The following OTUD7A variants were observed in gnomAD, a reference collection of about 807,000 sequenced individuals.
OTUD7A encodes OTU deubiquitinase 7A, also known as OTU domain-containing protein 7A.
A neutral mutation model predicts 65.7 loss-of-function variants in OTUD7A; 12 were observed. That is an observed-to-expected ratio of 0.18 (90% CI 0.12 to 0.30). The LOEUF is 0.30. Among genes scored for constraint, OTUD7A ranks in the 10% least tolerant of loss-of-function variants. The pLI, the probability that OTUD7A is intolerant of heterozygous loss-of-function variation, is 1.00. For missense variants in OTUD7A, 1,148 were observed against 1,304.8 expected (o/e 0.88, Z 1.85); for synonymous variants, 641 against 586.3 (o/e 1.09, Z -1.35).
intron 1 of OTUD7A, among the ~76,000 whole-genome samples, chr15:31,693,980 C>A (rs1443144821): frequency 1.3e-5 from 2 of 152,186 alleles, no homozygotes; most frequent in African/African-American, 4.8e-5. Context: ...TCTAAGCTGA[C>A]ACTATTGTAA....
At chr15:31,774,295 G>A (rs1895314048) in intron 1 of OTUD7A, among the ~76,000 whole-genome samples, 1 of 152,250 alleles carries the variant, frequency 6.6e-6, no homozygotes. Context: ...TCAGCCCAGG[G>A]ACAGCTCCAT....
At position 31,615,100 on chromosome 15, in the gene OTUD7A, C is replaced by T. The variant is rs189651524; in HGVS notation, c.151+39996G>A. ...ATGAAAAAGGAAATGACAGGGCAAA[C>T]AAAAGCAAATAATGAGATGTTAGAT... On this transcript the variant is annotated intron_variant, in intron 3 of 12. Transcript: ENST00000307050. Among the ~76,000 whole-genome samples the T allele has an allele frequency of 2.9e-3, 441 of 152,110 alleles. 5 individuals are homozygous for T. The highest frequency in any genetic ancestry group is 0.01 in the African/African-American group (427 of 41,512).
chr15:31,673,182 C>T (rs1892522833), intron 1 of OTUD7A, among the ~76,000 whole-genome samples: 1 of 152,190 alleles, frequency 6.6e-6, no homozygotes, highest in Non-Finnish European at 1.5e-5. Context: ...TCCAGAAGCT[C>T]CTTGACTTAT....
At chr15:31,635,563 G>A (rs1891315337) in intron 3 of OTUD7A, among the ~76,000 whole-genome samples, 1 of 152,218 alleles carries the variant, frequency 6.6e-6, no homozygotes, top group East Asian at 1.9e-4. Context: ...GTGCTTCCAG[G>A]GAGGGTGTAT....
intron 1 of OTUD7A, among the ~76,000 whole-genome samples, chr15:31,861,697 C>T (rs907541341): frequency 1.3e-5 from 2 of 152,140 alleles, no homozygotes; most frequent in African/African-American, 2.4e-5. Flanking sequence ...GAACTGCAAC[C>T]CATCCTGGCA....
intron 1 of OTUD7A, among the ~76,000 whole-genome samples, chr15:31,672,593 G>C (rs1356216719): frequency 6.6e-6 from 1 of 152,186 alleles, no homozygotes; most frequent in African/African-American, 2.4e-5. Context: ...AGAGTGCCCA[G>C]TGGCAGAGTA....
chr15:31,759,883 C>T (rs1894916277), intron 1 of OTUD7A, among the ~76,000 whole-genome samples: 1 of 152,140 alleles, frequency 6.6e-6, no homozygotes, highest in African/African-American at 2.4e-5. Flanking sequence ...CTCTACTCTG[C>T]ATCACTTACT....
intron 1 of OTUD7A, among the ~76,000 whole-genome samples, chr15:31,730,527 C>A (rs1236152552): frequency 6.6e-6 from 1 of 152,226 alleles, no homozygotes; most frequent in Non-Finnish European, 1.5e-5. Context: ...CCTCTCAATT[C>A]AAACTCAGTT....
intron 1 of OTUD7A, among the ~76,000 whole-genome samples, chr15:31,843,414 T>C (rs1458930010): frequency 6.6e-6 from 1 of 152,114 alleles, no homozygotes; most frequent in African/African-American, 2.4e-5. Flanking sequence ...TGATCCTTAT[T>C]TCTTTTGACA....
chr15:31,533,427 GA>G (rs1197624532), intron 5 of OTUD7A, among the ~76,000 whole-genome samples: 1 of 152,080 alleles, frequency 6.6e-6, no homozygotes, highest in Admixed American at 6.6e-5. Flanking sequence ...AGTAGAGATA[GA>G]GTTTTACCAT....
chr15:31,550,451 T>C (rs1255984712), intron 5 of OTUD7A, among the ~76,000 whole-genome samples: 2 of 152,168 alleles, frequency 1.3e-5, no homozygotes, highest in African/African-American at 2.4e-5. Flanking sequence ...CAGCGCACAG[T>C]GAACCTGCAT....
At chr15:31,615,370 G>C (rs1890555581) in intron 3 of OTUD7A, among the ~76,000 whole-genome samples, 1 of 152,124 alleles carries the variant, frequency 6.6e-6, no homozygotes, top group African/African-American at 2.4e-5. Context: ...TAAAACTTTA[G>C]TAATGACAGA....
chr15:31,484,052 CGCGGCGCCGCTGCTCCTGCTCGGCGCT>C lies in OTUD7A; in HGVS notation c.2017_2043del (p.Ser673_Arg681del). On this transcript the variant is annotated inframe_deletion, in exon 13 of 13. Coordinates refer to ENST00000307050, the MANE Select transcript of OTUD7A (RefSeq NM_001382637.1). The surrounding 1 kb of genome is among the most constrained non-coding windows in gnomAD (Gnocchi z 4.5). ...GCAGCGGCGGCCGCAGTAGCGGCGT[CGCGGCGCCGCTGCTCCTGCTCGGCGCT>C]GAAGCGCTCCTGCGCGCTCGTCAGG... is the stretch of plus-strand genomic sequence containing the variant. 2.9e-6 allele frequency: 4 copies of C among 1,363,486 alleles called. No individual in the cohort carries two copies. The highest frequency in any genetic ancestry group is 3.8e-6 in the Non-Finnish European group (4 of 1,059,974). The allele number at this position is 1,363,486 out of a possible 1,614,324, so 84.5% of individuals were successfully genotyped here.
chr15:31,753,719 TATTATATATA>T (rs1894723223), intron 1 of OTUD7A, among the ~76,000 whole-genome samples: 2 of 100,510 alleles, frequency 2.0e-5, no homozygotes, highest in African/African-American at 3.2e-5. Flanking sequence ...TATATATATA[TATTATATATA>T]TATATATATA....
At chr15:31,637,519 G>A (rs571435021) in intron 3 of OTUD7A, among the ~76,000 whole-genome samples, 1 of 152,264 alleles carries the variant, frequency 6.6e-6, no homozygotes, top group East Asian at 1.9e-4. Context: ...TGTACTCCAC[G>A]GATCAAGGAG....
At chr15:31,584,958 A>T (rs1889485565) in intron 3 of OTUD7A, among the ~76,000 whole-genome samples, 2 of 152,320 alleles carry the variant, frequency 1.3e-5, no homozygotes, top group South Asian at 4.1e-4. Context: ...TCAGTCTTTA[A>T]GGTATAGTTT....
chr15:31,815,406 T>A (rs1896522559), intron 1 of OTUD7A, among the ~76,000 whole-genome samples: 1 of 152,224 alleles, frequency 6.6e-6, no homozygotes, highest in Non-Finnish European at 1.5e-5. Context: ...CATCTGATCA[T>A]CACAGCCATC....
chr15:31,596,379 T>A (rs550982112), intron 3 of OTUD7A, among the ~76,000 whole-genome samples: 4 of 152,334 alleles, frequency 2.6e-5, no homozygotes, highest in African/African-American at 9.6e-5. Context: ...AATTCACCTA[T>A]TCACTCGCTG....
At chr15:31,522,969 GCCCGCA>G (rs1222289015) in intron 8 of OTUD7A, among the ~76,000 whole-genome samples, 2 of 152,230 alleles carry the variant, frequency 1.3e-5, no homozygotes, top group Non-Finnish European at 2.9e-5. Context: ...AGGATGCAGG[GCCCGCA>G]CTGCACCCTT....
Sources: gnomAD v4.1 joint callset for allele counts (sites outside exome capture counted in the v4.1 genomes callset) on GRCh38, gnomAD v4.1.1 for gene constraint, Gnocchi (gnomAD v3.1) non-coding constraint, MANE v1.5 for transcripts, NCBI Gene and HGNC (gene_info 2026-07-23, HGNC 2026-07-21) for gene names.